Variants in ADORA2B observed in about 807,000 individuals in gnomAD.
ADORA2B encodes the protein adenosine receptor A2b.
ADORA2B carries 18 observed loss-of-function variants against 20.8 expected under a neutral mutation model. That is an observed-to-expected ratio of 0.87 (90% confidence interval 0.60 to 1.29). The LOEUF (loss-of-function observed/expected upper bound fraction) is 1.29, where lower values mean the gene tolerates loss of function less well. Among genes scored for constraint, ADORA2B ranks in the 50% most tolerant of loss-of-function variants. The pLI is 0.00. For synonymous variants in ADORA2B, 179 were observed against 178.3 expected (o/e 1.00, Z -0.03); for missense variants, 441 against 422.7 (o/e 1.04, Z -0.38).
rs200982428 is a variant in ADORA2B, at chr17:15,974,704, C to T, written c.361C>T (p.Arg121Ter). 125 of 1,613,412 alleles carry T rather than the reference C, an allele frequency of 7.7e-5. No homozygotes were observed. The highest frequency in any genetic ancestry group is 1.0e-4 in the Non-Finnish European group (120 of 1,179,616). ...LRYKSLVTGTRARGVIAVLWV... is the reference protein window; with the variant it reads ...LRYKSLVTGT ...GTATAAAAGTTTGGTCACGGGGACC[C>T]GAGCAAGAGGGGTCATTGCTGTCCT... Residue 121 changes from arginine to a stop codon, truncating the protein, a stop_gained, in exon 2 of 2, where the codon CGA becomes TGA. Coordinates refer to ENST00000304222, the MANE Select transcript of ADORA2B (RefSeq NM_000676.4). LOFTEE classifies it high-confidence loss of function.
the ADORA2B span, among the ~76,000 whole-genome samples, chr17:15,913,457 G>T: frequency 6.6e-6 from 1 of 152,184 alleles, no homozygotes; most frequent in African/African-American, 2.4e-5. Context: ...AGCTTTTCCA[G>T]CTTGATGGTG....
chr17:15,960,350 C>G (rs113653430), intron 1 of ADORA2B, among the ~76,000 whole-genome samples: 168 of 13,404 alleles, frequency 0.013, 49 homozygotes, highest in African/African-American at 0.015. Context: ...GTCAGGAGAT[C>G]GAGACCATCC....
the ADORA2B span, among the ~76,000 whole-genome samples, chr17:15,852,677 A>G: frequency 6.6e-6 from 1 of 152,224 alleles, no homozygotes; most frequent in Non-Finnish European, 1.5e-5. Context: ...CAATCTATAA[A>G]AAAGAATCCA....
the ADORA2B span, among the ~76,000 whole-genome samples, chr17:15,906,087 G>A: frequency 3.9e-5 from 6 of 152,096 alleles, no homozygotes; most frequent in Admixed American, 1.3e-4. Context: ...TTTCCAATTC[G>A]TATGCCATTT....
the ADORA2B span, among the ~76,000 whole-genome samples, chr17:15,932,359 G>A: frequency 6.6e-6 from 1 of 151,992 alleles, no homozygotes; most frequent in Non-Finnish European, 1.5e-5. Context: ...TGGGTATGGT[G>A]GCATATGCCT....
chr17:15,947,714 GC>G (rs1445506664), intron 1 of ADORA2B, among the ~76,000 whole-genome samples: 1 of 152,230 alleles, frequency 6.6e-6, no homozygotes, highest in Non-Finnish European at 1.5e-5. Context: ...CCTCTCAGGG[GC>G]TGGTGCCTGG....
the ADORA2B span, among the ~76,000 whole-genome samples, chr17:15,934,731 C>CT: frequency 6.6e-6 from 1 of 152,092 alleles, no homozygotes. Flanking sequence ...CAAGTAATGT[C>CT]TTTATACACT....
chr17:15,925,468 G>A, the ADORA2B span, among the ~76,000 whole-genome samples: 3 of 152,162 alleles, frequency 2.0e-5, no homozygotes, highest in Admixed American at 6.5e-5. Context: ...ATTTTTATAT[G>A]TATCTCCCTA....
At chr17:15,971,669 G>A (rs1050664669) in intron 1 of ADORA2B, among the ~76,000 whole-genome samples, 13 of 134,130 alleles carry the variant, frequency 9.7e-5, no homozygotes, top group Non-Finnish European at 1.7e-4. Context: ...TCACTCTGTC[G>A]CCCAGGTTGG....
At chr17:15,888,558 A>G in the ADORA2B span, among the ~76,000 whole-genome samples, 1 of 126,668 alleles carries the variant, frequency 7.9e-6, no homozygotes, top group Non-Finnish European at 1.6e-5. Context: ...CCGTCTCTTA[A>G]GTGGAGGATT....
the ADORA2B span, among the ~76,000 whole-genome samples, chr17:15,918,760 C>T: frequency 4.6e-5 from 7 of 152,158 alleles, no homozygotes; most frequent in East Asian, 1.9e-4. Flanking sequence ...TAAGCCACCG[C>T]GCCTGGCCAA....
the ADORA2B span, among the ~76,000 whole-genome samples, chr17:15,889,727 G>A: frequency 1.6e-5 from 2 of 128,838 alleles, no homozygotes; most frequent in African/African-American, 3.3e-5. Context: ...GCAAAATCCC[G>A]TCTTTACTAA....
the ADORA2B span, among the ~76,000 whole-genome samples, chr17:15,866,760 T>TCCACAGTCTCC: frequency 6.8e-6 from 1 of 146,508 alleles, no homozygotes; most frequent in African/African-American, 2.8e-5. Flanking sequence ...TGCCTCTCTT[T>TCCACAGTCTCC]CCACAGTCTC....
the ADORA2B span, among the ~76,000 whole-genome samples, chr17:15,877,954 T>C: frequency 6.6e-6 from 1 of 152,174 alleles, no homozygotes; most frequent in Non-Finnish European, 1.5e-5. Flanking sequence ...TGCCAAGTTT[T>C]ATTTTCTTTC....
the ADORA2B span, among the ~76,000 whole-genome samples, chr17:15,915,921 T>C: frequency 6.6e-6 from 1 of 152,184 alleles, no homozygotes; most frequent in Non-Finnish European, 1.5e-5. Flanking sequence ...GGACATCCCT[T>C]GGCCCAGTGA....
chr17:15,874,525 CAAAA>C, the ADORA2B span, among the ~76,000 whole-genome samples: 2 of 140,610 alleles, frequency 1.4e-5, no homozygotes, highest in African/African-American at 5.1e-5. Context: ...CTGTGTCTAC[CAAAA>C]AAAAAAATAA....
At chr17:15,920,074 T>C in the ADORA2B span, among the ~76,000 whole-genome samples, 1 of 152,218 alleles carries the variant, frequency 6.6e-6, no homozygotes, top group African/African-American at 2.4e-5. Flanking sequence ...AATTTTTTTT[T>C]GAAATCTTTT....
the ADORA2B span, among the ~76,000 whole-genome samples, chr17:15,860,486 G>C: frequency 6.6e-6 from 1 of 151,878 alleles, no homozygotes; most frequent in Non-Finnish European, 1.5e-5. Context: ...CTCTCTCTCT[G>C]ATGTCTGTCA....
chr17:15,892,357 A>AGT, the ADORA2B span, among the ~76,000 whole-genome samples: 1 of 151,970 alleles, frequency 6.6e-6, no homozygotes, highest in African/African-American at 2.4e-5. Flanking sequence ...TAATAGAGAC[A>AGT]GGGTTTTTGC....
Sources: allele counts gnomAD v4.1 joint callset (sites outside exome capture counted in the v4.1 genomes callset), GRCh38; gene constraint gnomAD v4.1.1; transcripts MANE v1.5; gene names NCBI Gene and HGNC (gene_info 2026-07-23, HGNC 2026-07-21).